TLN2: variants seen among roughly 807,000 people sequenced by gnomAD.
TLN2 encodes the protein talin 2, also known as talin-2.
Under a neutral mutation model 294.7 loss-of-function variants are expected in TLN2, and 118 were observed. The observed-to-expected ratio is 0.40, with a 90% CI of 0.34 to 0.47. The LOEUF (loss-of-function observed/expected upper bound fraction) is 0.47, where lower values mean the gene tolerates loss of function less well. TLN2 is among the 20% of genes least tolerant of loss of function. The pLI is 0.84. For synonymous variants in TLN2, 1,431 were observed against 1,304.5 expected, an observed-to-expected ratio of 1.10 and a Z score of -2.09; for missense variants, 3,083 against 3,282.2, an observed-to-expected ratio of 0.94 and a Z score of 1.48.
chr15:62,759,034 C>T (rs995300487), intron 37 of TLN2, among the ~76,000 whole-genome samples: 3 of 152,190 alleles, frequency 2.0e-5, no homozygotes, highest in Non-Finnish European at 4.4e-5. Flanking sequence ...GAGCAGGCTC[C>T]GGGCTTGGGA....
intron 42 of TLN2, 24 bp from the exon 43 acceptor site, chr15:62,776,740 A>G: frequency 1.4e-6 from 2 of 1,479,636 alleles, no homozygotes; most frequent in Non-Finnish European, 1.8e-6. Flanking sequence ...TGCTTAAGGA[A>G]ATGTTTCACA....
At chr15:62,473,004 T>C (rs2037571008) in intron 1 of TLN2, among the ~76,000 whole-genome samples, 1 of 152,154 alleles carries the variant, frequency 6.6e-6, no homozygotes, top group African/African-American at 2.4e-5. Flanking sequence ...CTGTTCCTGG[T>C]CACAGAATGT....
chr15:62,436,648 G>T (rs974424542), intron 1 of TLN2, among the ~76,000 whole-genome samples: 1 of 152,192 alleles, frequency 6.6e-6, no homozygotes, highest in Non-Finnish European at 1.5e-5. Flanking sequence ...GGGACTTGGA[G>T]GAATCAGGTT....
intron 1 of TLN2, among the ~76,000 whole-genome samples, chr15:62,549,651 G>A (rs1367017266): frequency 6.6e-6 from 1 of 152,194 alleles, no homozygotes; most frequent in African/African-American, 2.4e-5. Context: ...TTGAATTTAT[G>A]TGGTATATAC....
intron 2 of TLN2, among the ~76,000 whole-genome samples, chr15:62,603,294 T>A (rs193050499): frequency 1.0e-3 from 158 of 152,346 alleles, no homozygotes; most frequent in African/African-American, 2.7e-3. Flanking sequence ...GGTTTTTTTT[T>A]AAAATGTGTG....
chr15:62,639,987 T>C (rs1596450155), intron 3 of TLN2, among the ~76,000 whole-genome samples: 1 of 152,228 alleles, frequency 6.6e-6, no homozygotes, highest in Non-Finnish European at 1.5e-5. Flanking sequence ...TGGGGACAGA[T>C]AGGCACCTGT....
At chr15:62,491,448 T>C (rs1485871092) in intron 1 of TLN2, among the ~76,000 whole-genome samples, 2 of 149,532 alleles carry the variant, frequency 1.3e-5, no homozygotes, top group Admixed American at 1.3e-4. Context: ...CAACTGGAAG[T>C]GGGTGGGGGC....
In TLN2 at chr15:62,763,649, C is replaced by T. The variant is rs2062813611; in HGVS notation, c.5048C>T (p.Ala1683Val). The change falls in exon 40 of 59, where the codon GCC (alanine) becomes GTC (valine). Residue 1683 changes from alanine to valine, a missense_variant. Physicochemically the swap from Ala to Val is moderately conservative, Grantham distance 64 (BLOSUM62 0). Coordinates refer to ENST00000636159, the MANE Select transcript of TLN2 (RefSeq NM_015059.3). ...CIRDIEQASLAAVSQSLATRD... is the reference protein window; with the variant it reads ...CIRDIEQASLVAVSQSLATRD... The stretch of plus-strand genomic sequence containing the variant: ...CGGGACATCGAGCAGGCCTCGCTGG[C>T]CGCCGTCAGCCAGAGCCTGGCCACG... The T allele has an allele frequency of 1.2e-6, 2 of 1,612,936 alleles. No homozygotes were observed. The highest frequency in any genetic ancestry group is 2.7e-5 in the African/African-American group (2 of 75,034).
At chr15:62,443,103 AG>A (rs1486834796) in intron 1 of TLN2, among the ~76,000 whole-genome samples, 5 of 152,160 alleles carry the variant, frequency 3.3e-5, no homozygotes, top group Non-Finnish European at 7.3e-5. Context: ...CCCCATCTCA[AG>A]ATCCTCCTCA....
At chr15:62,495,257 C>T (rs182528217) in intron 1 of TLN2, among the ~76,000 whole-genome samples, 107 of 152,198 alleles carry the variant, frequency 7.0e-4, no homozygotes, top group Admixed American at 2.6e-3. Context: ...GAGATGAACG[C>T]GATACATGTG....
At chr15:62,726,888 G>A (rs1480402756) in intron 27 of TLN2, among the ~76,000 whole-genome samples, 199 bp from the exon 28 acceptor site, 2 of 152,154 alleles carry the variant, frequency 1.3e-5, no homozygotes, top group African/African-American at 4.8e-5. Flanking sequence ...AGGGGGCATG[G>A]GGCAGGGATT....
intron 3 of TLN2, among the ~76,000 whole-genome samples, 121 bp downstream of exon 3, chr15:62,618,596 C>T (rs537570647): frequency 1.2e-4 from 19 of 152,300 alleles, no homozygotes; most frequent in African/African-American, 4.1e-4. Flanking sequence ...TGAGGGCCTG[C>T]GTCTCTGTCC....
rs369688491 is a variant in TLN2 at position 62,702,225 on chromosome 15, C to T, written c.1905+25C>T. ...GGTAAGCTCCAGAGGCAAGCAATCA[C>T]TCAGGTTCTGATGGGACAGCTGCAT... On this transcript the variant is annotated intron_variant, in intron 18 of 58. Coordinates refer to ENST00000636159, the MANE Select transcript of TLN2 (RefSeq NM_015059.3). The T allele has an allele frequency of 9.0e-6, 14 of 1,556,368 alleles. No homozygotes were observed. In the South Asian group the frequency reaches 1.4e-4, roughly 16 times the overall value.
intron 57 of TLN2, 136 bp downstream of exon 57, chr15:62,836,209 C>T: frequency 2.5e-6 from 3 of 1,219,560 alleles, no homozygotes; most frequent in South Asian, 2.8e-5. Flanking sequence ...CCAGCCTCAT[C>T]TACTGCGTGC....
intron 1 of TLN2, among the ~76,000 whole-genome samples, chr15:62,551,397 C>T (rs181213685): frequency 1.3e-5 from 2 of 151,978 alleles, no homozygotes; most frequent in Non-Finnish European, 2.9e-5. Context: ...TCAGGCAGGG[C>T]GTGGTGGTTC....
rs2069755480 is a variant in TLN2 at position 62,837,072 on chromosome 15, ATGTAGATTGTC to A, written c.7374+1004_7374+1014del. On this transcript the variant is annotated intron_variant, in intron 57 of 58. Coordinates refer to ENST00000636159, the MANE Select transcript of TLN2 (RefSeq NM_015059.3). The stretch of plus-strand genomic sequence containing the variant: ...AGATTTTTTTATTGTAAGTGTTAAA[ATGTAGATTGTC>A]TGTATTGCTAAAAGTATGTTTACAT... 2.6e-5 allele frequency among the ~76,000 whole-genome samples: 4 copies of A among 152,326 alleles called. No homozygotes were observed. The South Asian group carries it at 8.3e-4, about 32-fold the overall frequency.
Position 62,841,980 on chromosome 15 carries a change from T to C in TLN2, c.*1370T>C, listed in dbSNP as rs1018807557. ...CTCACCCTCCGCCTCTCTCTCTCTC[T>C]CTCTCTCTGGTGTGCTATCATGTCT... On this transcript the variant is annotated 3_prime_UTR_variant, in exon 59 of 59. Transcript: ENST00000636159. The C allele has an allele frequency of 6.6e-6, 1 of 151,908 alleles. No individual in the cohort carries two copies. Among genetic ancestry groups the C allele is most frequent in the African/African-American group, 2.4e-5 (1 of 41,246 alleles). 9.4% of individuals were successfully genotyped at this position (151,908 alleles called of 1,614,324 possible).
chr15:62,498,621 G>GT, intron 1 of TLN2, among the ~76,000 whole-genome samples: 1 of 152,272 alleles, frequency 6.6e-6, no homozygotes, highest in East Asian at 1.9e-4. Context: ...TGGGGTCACC[G>GT]TAAGTCTGAT....
At chr15:62,585,150 A>G (rs2045485493) in intron 1 of TLN2, among the ~76,000 whole-genome samples, 1 of 152,120 alleles carries the variant, frequency 6.6e-6, no homozygotes, top group South Asian at 2.1e-4. Context: ...CATCCTGCAC[A>G]CTCCAGATCC....
Sources: gnomAD v4.1 joint callset for allele counts (sites outside exome capture counted in the v4.1 genomes callset) on GRCh38, gnomAD v4.1.1 for gene constraint, MANE v1.5 for transcripts, NCBI Gene and HGNC (gene_info 2026-07-23, HGNC 2026-07-21) for gene names.